Variants in PARD6B observed in about 807,000 individuals in gnomAD.
The protein encoded by PARD6B is par-6 family cell polarity regulator beta, also known as partitioning defective 6 homolog beta.
Under a neutral mutation model 10.5 loss-of-function variants are expected in PARD6B, and 4 were observed. The observed-to-expected ratio is 0.38, with a 90% CI of 0.19 to 0.87. The LOEUF (loss-of-function observed/expected upper bound fraction) is 0.87, where lower values mean the gene tolerates loss of function less well. Among genes scored for constraint, PARD6B ranks in the 40% least tolerant of loss-of-function variants. The pLI, the probability that PARD6B is intolerant of heterozygous loss-of-function variation, is 0.41. For synonymous variants in PARD6B, 169 were observed against 170.4 expected, an observed-to-expected ratio of 0.99 and a Z score of 0.07; for missense variants, 396 against 470.6, an observed-to-expected ratio of 0.84 and a Z score of 1.47.
chr20:50,749,465 T>TG (rs1475230581), intron 2 of PARD6B, among the ~76,000 whole-genome samples, 194 bp from the exon 3 acceptor site: 4 of 152,212 alleles, frequency 2.6e-5, no homozygotes, highest in African/African-American at 9.6e-5. Flanking sequence ...GTATTTGAGA[T>TG]GGCCACCTAG....
At chr20:50,743,882 C>CT (rs2087545730) in intron 2 of PARD6B, among the ~76,000 whole-genome samples, 3 of 147,712 alleles carry the variant, frequency 2.0e-5, no homozygotes, top group Non-Finnish European at 4.5e-5. Context: ...GAGCGAGACT[C>CT]CGTCTCAAAA....
chr20:50,745,389 ACT>A (rs1483235351), intron 2 of PARD6B, among the ~76,000 whole-genome samples: 1 of 146,730 alleles, frequency 6.8e-6, no homozygotes, highest in Non-Finnish European at 1.5e-5. Context: ...GTGTCATTGC[ACT>A]CTAGAGCGAA....
At chr20:50,734,790 G>C (rs2087491064) in intron 1 of PARD6B, among the ~76,000 whole-genome samples, 1 of 151,990 alleles carries the variant, frequency 6.6e-6, no homozygotes, top group Non-Finnish European at 1.5e-5. Context: ...CAAAGTGTTT[G>C]GATTATAGGC....
In PARD6B at chr20:50,737,920, T is replaced by C; in HGVS notation, c.130T>C (p.Tyr44His). The C allele has an allele frequency of 6.2e-7, 1 of 1,612,866 alleles. No individual in the cohort carries two copies. Among genetic ancestry groups the C allele is most frequent in the East Asian group, 2.2e-5 (1 of 44,828 alleles). The change falls in exon 2 of 3, where the codon TAT (tyrosine) becomes CAT (histidine). Residue 44 changes from tyrosine to histidine, a missense_variant. By Grantham distance (83) the Tyr-to-His change is moderately conservative. This residue lies in a region of PARD6B where 208 missense variants were observed against 300.9 expected (regional missense o/e 0.69). Transcript: ENST00000371610. The part of the protein sequence containing the change: ...RSKPGKFEEF[Y>H]GLLQHVHKIP... ...AAAACCTGGAAAATTTGAGGAGTTTTATGGATTACTACAACATGTTCATAA... is the reference window on the plus strand; with the variant it reads ...AAAACCTGGAAAATTTGAGGAGTTTCATGGATTACTACAACATGTTCATAA...
Position 50,750,154 on chromosome 20 carries a change from C to G in PARD6B, c.785C>G (p.Ser262Cys), listed in dbSNP as rs201967571. The G allele has an allele frequency of 1.0e-4, 164 of 1,614,132 alleles. No homozygotes were observed. Among genetic ancestry groups the G allele is most frequent in the Admixed American group, 3.3e-4 (20 of 60,006 alleles). Residue 262 changes from serine (S) to cysteine (C), a missense_variant, in exon 3 of 3, where the codon TCT becomes TGT. Physicochemically the swap from Ser to Cys is moderately radical, Grantham distance 112 (BLOSUM62 -1). This residue lies in a region of PARD6B where 188 missense variants were observed against 169.7 expected (regional missense o/e 1.11). Coordinates refer to ENST00000371610, the MANE Select transcript of PARD6B (RefSeq NM_032521.3). ...AATGTTGTGAGGAACAGTCGGACTTCTGGCAGTTCCGGTCAGTCTACTGAT... is the reference window on the plus strand; with the variant it reads ...AATGTTGTGAGGAACAGTCGGACTTGTGGCAGTTCCGGTCAGTCTACTGAT... ...RNNVVRNSRTSGSSGQSTDNS... is the reference protein window; with the variant it reads ...RNNVVRNSRTCGSSGQSTDNS...
chr20:50,744,250 G>T lies in PARD6B; in HGVS notation c.290-5409G>T, dbSNP rs575753434. Among the ~76,000 whole-genome samples, 8 of 151,860 alleles carry T rather than the reference G, an allele frequency of 5.3e-5. No homozygotes were observed. In the South Asian group the frequency reaches 1.7e-3, roughly 32 times the overall value. On this transcript the variant is annotated intron_variant, in intron 2 of 2. Transcript: ENST00000371610. ...CTGCCTCATCCTCCCGAGTAGGTGG[G>T]ATTACAGGCATGCGCCACCATGCCT...
intron 2 of PARD6B, among the ~76,000 whole-genome samples, chr20:50,744,083 T>C (rs2087547630): frequency 6.8e-6 from 1 of 146,124 alleles, no homozygotes; most frequent in South Asian, 2.2e-4. Flanking sequence ...CCAGGTGCCA[T>C]CCAAATTTAC....
At chr20:50,747,414 AT>A (rs1294553015) in intron 2 of PARD6B, among the ~76,000 whole-genome samples, 1 of 149,370 alleles carries the variant, frequency 6.7e-6, no homozygotes, top group African/African-American at 2.5e-5. Flanking sequence ...ATTTTCAACT[AT>A]TTTGTGGAGG....
chr20:50,741,333 C>T (rs1010782358), intron 2 of PARD6B, among the ~76,000 whole-genome samples: 3 of 152,044 alleles, frequency 2.0e-5, no homozygotes, highest in Non-Finnish European at 4.4e-5. Context: ...GTTCTTCCCA[C>T]GTCTGCCTCC....
chr20:50,748,408 T>G lies in PARD6B; in HGVS notation c.290-1251T>G, dbSNP rs75832717. Among the ~76,000 whole-genome samples the G allele has an allele frequency of 1.9e-4, 29 of 152,354 alleles. No individual in the cohort carries two copies. The South Asian group carries it at 2.1e-3, about 11-fold the overall frequency. On this transcript the variant is annotated intron_variant, in intron 2 of 2. Transcript: ENST00000371610. Reference sequence around the variant, plus strand: ...GCAGAATACCAAAATTCCGAAGTGTTTGTTTGATATGCATCAGCATCAATT... The same window carrying G: ...GCAGAATACCAAAATTCCGAAGTGTGTGTTTGATATGCATCAGCATCAATT...
At position 50,752,450 on chromosome 20, in the gene PARD6B, G is replaced by A; in HGVS notation, c.*1962G>A. 1.0e-6 allele frequency: 1 copy of A among 985,576 alleles called. No individual in the cohort carries two copies. The allele number at this position is 985,576 out of a possible 1,614,324, so 61.1% of individuals were successfully genotyped here. On this transcript the variant is annotated 3_prime_UTR_variant, in exon 3 of 3. Transcript: ENST00000371610. Reference sequence around the variant, plus strand: ...GAGTTTATCACTATTAATTTTATGAGGCTATTTATTACTTTCCAATGCATC... The same window carrying A: ...GAGTTTATCACTATTAATTTTATGAAGCTATTTATTACTTTCCAATGCATC...
rs142586330 is a variant in PARD6B at position 50,752,089 on chromosome 20, G to A, written c.*1601G>A. On this transcript the variant is annotated 3_prime_UTR_variant, in exon 3 of 3. Coordinates refer to ENST00000371610, the MANE Select transcript of PARD6B (RefSeq NM_032521.3). ...GCTTTCATATTTTCAAATTAATTCT[G>A]TATGGCTATATAATTTATGTTTTAA... The A allele has an allele frequency of 8.3e-5, 82 of 984,744 alleles. No individual in the cohort carries two copies. The East Asian group carries it at 8.3e-3, about 100-fold the overall frequency. 61.0% of individuals were successfully genotyped at this position (984,744 alleles called of 1,614,324 possible).
At chr20:50,747,976 A>G (rs1469785402) in intron 2 of PARD6B, among the ~76,000 whole-genome samples, 4 of 152,192 alleles carry the variant, frequency 2.6e-5, no homozygotes, top group African/African-American at 9.7e-5. Flanking sequence ...AACTTTATGC[A>G]TAGTTTTTCA....
At position 50,751,419 on chromosome 20, in the gene PARD6B, G is replaced by C; in HGVS notation, c.*931G>C. ...CGCCCAGGCTGGAGTGCAGTGGCGCGATCTTGGCTCACTGCAAGCTCTACC... is the reference window on the plus strand; with the variant it reads ...CGCCCAGGCTGGAGTGCAGTGGCGCCATCTTGGCTCACTGCAAGCTCTACC... On this transcript the variant is annotated 3_prime_UTR_variant, in exon 3 of 3. Transcript: ENST00000371610. 5.1e-6 allele frequency: 4 copies of C among 783,328 alleles called. No individual in the cohort carries two copies. Among genetic ancestry groups the C allele is most frequent in the Non-Finnish European group, 6.0e-6 (4 of 669,720 alleles). 48.5% of individuals were successfully genotyped at this position (783,328 alleles called of 1,614,324 possible).
rs1037326974 is a variant in PARD6B at position 50,752,164 on chromosome 20, T to C, written c.*1676T>C. 2.0e-6 allele frequency: 2 copies of C among 985,720 alleles called. No homozygotes were observed. The highest frequency in any genetic ancestry group is 5.2e-4 in the Middle Eastern group (1 of 1,914). The allele number at this position is 985,720 out of a possible 1,614,324, so 61.1% of individuals were successfully genotyped here. ...ATATGGAAGTCTCTCCTTTAACCTA[T>C]TCTTGTTCCCATTCCCAGTCTCATT... On this transcript the variant is annotated 3_prime_UTR_variant, in exon 3 of 3. Coordinates refer to ENST00000371610, the MANE Select transcript of PARD6B (RefSeq NM_032521.3).
intron 2 of PARD6B, among the ~76,000 whole-genome samples, chr20:50,744,145 G>A (rs190293953): frequency 5.3e-5 from 6 of 112,328 alleles, no homozygotes; most frequent in East Asian, 5.9e-4. Context: ...AAGCAGTCTC[G>A]CTCTTGTTGC....
At chr20:50,744,127 T>C (rs2087549282) in intron 2 of PARD6B, among the ~76,000 whole-genome samples, 1 of 145,828 alleles carries the variant, frequency 6.9e-6, no homozygotes, top group Non-Finnish European at 1.5e-5. Context: ...TTTTTTTTTT[T>C]TTCTGAGAAG....
In PARD6B at chr20:50,731,730, C is replaced by T. The variant is rs1202390165; in HGVS notation, c.-57C>T. The stretch of plus-strand genomic sequence containing the variant: ...GATCCCCAGTCGCGCACTCGCTCCC[C>T]GCGCTCCTGAGGGGCCGCCCGGCCG... On this transcript the variant is annotated 5_prime_UTR_variant, in exon 1 of 3. Coordinates refer to ENST00000371610, the MANE Select transcript of PARD6B (RefSeq NM_032521.3). 7.2e-7 allele frequency: 1 copy of T among 1,388,098 alleles called. No homozygotes were observed. The highest frequency in any genetic ancestry group is 9.3e-7 in the Non-Finnish European group (1 of 1,072,012). 86.0% of individuals were successfully genotyped at this position (1,388,098 alleles called of 1,614,324 possible).
chr20:50,741,866 A>T (rs2087532719), intron 2 of PARD6B, among the ~76,000 whole-genome samples: 1 of 151,890 alleles, frequency 6.6e-6, no homozygotes, highest in African/African-American at 2.4e-5. Flanking sequence ...TTTTAAGCAA[A>T]GTTGAGCAGA....
Sources: allele counts gnomAD v4.1 joint callset (sites outside exome capture counted in the v4.1 genomes callset), GRCh38; gene constraint gnomAD v4.1.1; regional missense constraint gnomAD v4.1.1; transcripts MANE v1.5; gene names NCBI Gene and HGNC (gene_info 2026-07-23, HGNC 2026-07-21).